IQGAP1: variants seen among roughly 807,000 people sequenced by gnomAD.
IQGAP1 encodes the protein IQ motif containing GTPase activating protein 1.
A neutral mutation model predicts 215.6 loss-of-function variants in IQGAP1; 66 were observed. The ratio of observed to expected loss-of-function variants is 0.31; its 90% CI spans 0.25 to 0.38. The LOEUF (loss-of-function observed/expected upper bound fraction) is 0.38, where lower values mean the gene tolerates loss of function less well. Ranked by LOEUF, IQGAP1 falls within the 10% of genes least tolerant of loss-of-function variation. The pLI is 1.00. For synonymous variants in IQGAP1, 772 were observed against 728.7 expected (o/e 1.06, Z -0.96); for missense variants, 1,712 against 1,997.1 (o/e 0.86, Z 2.72).
intron 22 of IQGAP1, 25 bp downstream of exon 22, chr15:90,474,158 A>G (rs1376590882): frequency 1.0e-5 from 16 of 1,582,892 alleles, no homozygotes; most frequent in African/African-American, 1.4e-5. Context: ...CCGCATGAAG[A>G]GTTGAGGCAG....
At chr15:90,482,386 T>C (rs1966071708) in intron 28 of IQGAP1, 105 bp downstream of exon 28, 1 of 1,014,692 alleles carries the variant, frequency 9.9e-7, no homozygotes, top group South Asian at 1.3e-5. Context: ...GTTCTGGCAG[T>C]AGCTTACCAT....
intron 9 of IQGAP1, among the ~76,000 whole-genome samples, chr15:90,445,630 A>AAAAACT (rs1265463049): frequency 1.3e-5 from 2 of 152,196 alleles, no homozygotes; most frequent in African/African-American, 4.8e-5. Flanking sequence ...GACTCACCAA[A>AAAAACT]AAAACTAAAA....
rs1222589892 is a variant in IQGAP1, at chr15:90,500,072, G to A, written c.4938G>A (p.Leu1646=). The change falls in exon 38 of 38, where the codon CTG becomes CTA. Residue 1646 remains leucine (L), a synonymous_variant. Transcript: ENST00000268182. The part of the protein sequence containing the change: ...FDRAKVNVNL[L]IFLLNKKFYG... ...GAGCTAAAGTAAATGTCAACCTCCT[G>A]ATCTTCCTTCTCAACAAAAAGTTCT... 1 of 1,611,334 alleles carries A rather than the reference G, an allele frequency of 6.2e-7. No individual in the cohort carries two copies. The highest frequency in any genetic ancestry group is 1.1e-5 in the South Asian group (1 of 91,008).
chr15:90,475,753 C>CAAAAA (rs746640708), intron 23 of IQGAP1: 25 of 69,718 alleles, frequency 3.6e-4, no homozygotes, highest in African/African-American at 1.1e-3. Context: ...ACTCTATCTC[C>CAAAAA]AAAAAAAAAA....
At chr15:90,452,644 G>A in intron 11 of IQGAP1, 131 bp from the exon 12 acceptor site, 1 of 996,310 alleles carries the variant, frequency 1.0e-6, no homozygotes. Context: ...CTTTTTTAAA[G>A]ACGAAAGTTC....
chr15:90,442,521 A>G (rs1204236283), intron 8 of IQGAP1, among the ~76,000 whole-genome samples: 3 of 152,284 alleles, frequency 2.0e-5, no homozygotes, highest in African/African-American at 4.8e-5. Context: ...AACGAAGACA[A>G]TCCTGCTCTC....
chr15:90,471,156 C>T (rs1229683339), intron 18 of IQGAP1, among the ~76,000 whole-genome samples: 4 of 152,100 alleles, frequency 2.6e-5, no homozygotes, highest in Non-Finnish European at 5.9e-5. Flanking sequence ...AAACCAGAGG[C>T]TGCAATAGTG....
At chr15:90,448,812 A>G (rs1002273495) in intron 10 of IQGAP1, 76 bp downstream of exon 10, 2 of 1,229,892 alleles carry the variant, frequency 1.6e-6, no homozygotes, top group African/African-American at 1.6e-5. Context: ...TTAAAGATAT[A>G]TATGCTGCCT....
intron 2 of IQGAP1, among the ~76,000 whole-genome samples, chr15:90,423,445 C>G (rs745448041): frequency 6.6e-6 from 1 of 152,142 alleles, no homozygotes; most frequent in Non-Finnish European, 1.5e-5. Context: ...GTTGTCCAGG[C>G]TGGTCTGGAA....
intron 30 of IQGAP1, among the ~76,000 whole-genome samples, chr15:90,484,658 G>A (rs1352456451): frequency 2.0e-5 from 3 of 151,916 alleles, no homozygotes; most frequent in Admixed American, 6.6e-5. Context: ...ACAGGCACCC[G>A]CCACCGTGCC....
intron 4 of IQGAP1, among the ~76,000 whole-genome samples, chr15:90,433,445 C>T (rs1965329831): frequency 1.3e-5 from 2 of 152,204 alleles, no homozygotes; most frequent in African/African-American, 4.8e-5. Flanking sequence ...AAATCACCTT[C>T]TCACACCTAA....
chr15:90,471,213 C>T (rs1471770837), intron 18 of IQGAP1, among the ~76,000 whole-genome samples: 1 of 152,094 alleles, frequency 6.6e-6, no homozygotes, highest in Admixed American at 6.5e-5. Flanking sequence ...TGCAGTTCAG[C>T]AGTCCAGGGA....
At chr15:90,465,865 G>C (rs947433058) in intron 15 of IQGAP1, 136 bp from the exon 16 acceptor site, 1 of 695,560 alleles carries the variant, frequency 1.4e-6, no homozygotes. Flanking sequence ...TCTTCCATTT[G>C]ACTAACCCAC....
At position 90,453,228 on chromosome 15, in the gene IQGAP1, G is replaced by T. The variant is rs1165055000; in HGVS notation, c.1423G>T (p.Val475Leu). The change falls in exon 13 of 38, where the codon GTG becomes TTG. Residue 475 changes from valine (V) to leucine (L), a missense_variant. This residue lies in a region of IQGAP1 where 1,021 missense variants were observed against 1,074.2 expected (regional missense o/e 0.95). Transcript: ENST00000268182. ...ATTGGAATCAGGAGATGTGAATACAGTGTGGAAGCAATTGAGCAGTTCAGT... is the reference window on the plus strand; with the variant it reads ...ATTGGAATCAGGAGATGTGAATACATTGTGGAAGCAATTGAGCAGTTCAGT... ...RALESGDVNT[V>L]WKQLSSSVTG... 4 of 1,614,000 alleles carry T rather than the reference G, an allele frequency of 2.5e-6. No homozygotes were observed. Among genetic ancestry groups the T allele is most frequent in the Non-Finnish European group, 3.4e-6 (4 of 1,179,970 alleles).
chr15:90,428,851 G>A (rs1328650134), intron 3 of IQGAP1, among the ~76,000 whole-genome samples: 1 of 151,838 alleles, frequency 6.6e-6, no homozygotes, highest in Non-Finnish European at 1.5e-5. Context: ...TAGAATGAAA[G>A]CCCTGATTGA....
intron 8 of IQGAP1, 127 bp from the exon 9 acceptor site, chr15:90,443,267 T>G: frequency 1.8e-6 from 1 of 560,988 alleles, no homozygotes; most frequent in East Asian, 3.0e-5. Flanking sequence ...GCTTTGTTCT[T>G]TATAAAGGGT....
intron 1 of IQGAP1, among the ~76,000 whole-genome samples, chr15:90,389,718 T>G (rs1964607297): frequency 6.7e-6 from 1 of 149,198 alleles, no homozygotes; most frequent in African/African-American, 2.5e-5. Context: ...ACTTTGGGAG[T>G]CCGAGGTGAG....
chr15:90,498,814 A>T (rs1386001041), intron 37 of IQGAP1, among the ~76,000 whole-genome samples: 6 of 139,830 alleles, frequency 4.3e-5, no homozygotes, highest in Non-Finnish European at 7.7e-5. Context: ...CGCCCGGCTA[A>T]TTTTTTTTTT....
chr15:90,493,527 TTTA>T (rs1966234525), intron 35 of IQGAP1, among the ~76,000 whole-genome samples: 1 of 152,224 alleles, frequency 6.6e-6, no homozygotes, highest in Admixed American at 6.5e-5. Context: ...TGCAGGGTAG[TTTA>T]TTATTTATTC....
Sources: allele counts gnomAD v4.1 joint callset (sites outside exome capture counted in the v4.1 genomes callset), GRCh38; gene constraint gnomAD v4.1.1; regional missense constraint gnomAD v4.1.1; transcripts MANE v1.5; gene names NCBI Gene and HGNC (gene_info 2026-07-23, HGNC 2026-07-21).